Variants in PPP3CA observed in about 807,000 individuals in gnomAD.
PPP3CA encodes the protein CAM-PRP catalytic subunit.
Under a neutral mutation model 66.5 loss-of-function variants are expected in PPP3CA, and 14 were observed. The ratio of observed to expected loss-of-function variants is 0.21; its 90% CI spans 0.14 to 0.33. PPP3CA has a LOEUF of 0.33. Among genes scored for constraint, PPP3CA ranks in the 10% least tolerant of loss-of-function variants. The probability of loss-of-function intolerance (pLI) is 1.00; values close to 1 mark genes in which losing one functional copy is unlikely to be tolerated. For synonymous variants in PPP3CA, 232 were observed against 226.2 expected (o/e 1.03, Z -0.23); for missense variants, 317 against 639.5 (o/e 0.50, Z 5.44).
At chr4:101,232,425 C>CA (rs1233490672) in intron 1 of PPP3CA, among the ~76,000 whole-genome samples, 1 of 150,308 alleles carries the variant, frequency 6.7e-6, no homozygotes, top group Non-Finnish European at 1.5e-5. Context: ...TTATTTTCTT[C>CA]AAAAAAAAAT....
chr4:101,341,208 C>CTTT (rs374057607), intron 1 of PPP3CA, among the ~76,000 whole-genome samples: 7 of 134,876 alleles, frequency 5.2e-5, no homozygotes, highest in South Asian at 2.2e-4. Flanking sequence ...TTTTCTTTTT[C>CTTT]TTTTTTTTTT....
chr4:101,336,726 A>G (rs925819571), intron 1 of PPP3CA, among the ~76,000 whole-genome samples: 17 of 152,264 alleles, frequency 1.1e-4, no homozygotes, highest in African/African-American at 4.1e-4. Flanking sequence ...ATCAAGAATA[A>G]GAAAATATTT....
chr4:101,340,625 T>A (rs1425510452), intron 1 of PPP3CA, among the ~76,000 whole-genome samples: 1 of 152,216 alleles, frequency 6.6e-6, no homozygotes, highest in Non-Finnish European at 1.5e-5. Context: ...AAGATGGAAT[T>A]ATTGTAAAAT....
chr4:101,109,390 C>G (rs1016559478), intron 2 of PPP3CA, among the ~76,000 whole-genome samples: 1 of 149,618 alleles, frequency 6.7e-6, no homozygotes, highest in Non-Finnish European at 1.5e-5. Context: ...TTATGAGACG[C>G]TGCCAGGATG....
chr4:101,313,654 ATTTTCAGAG>A (rs1200664964), intron 1 of PPP3CA, among the ~76,000 whole-genome samples: 4 of 152,102 alleles, frequency 2.6e-5, no homozygotes, highest in Non-Finnish European at 1.5e-5. Context: ...AATCTGAAGC[ATTTTCAGAG>A]TCTAAGGCAA....
At chr4:101,291,482 G>A (rs1728026002) in intron 1 of PPP3CA, among the ~76,000 whole-genome samples, 1 of 152,140 alleles carries the variant, frequency 6.6e-6, no homozygotes, top group Non-Finnish European at 1.5e-5. Context: ...TCAATTAGAG[G>A]AAGGTCCTCC....
intron 2 of PPP3CA, among the ~76,000 whole-genome samples, chr4:101,124,663 CAGAAAGAAAG>C (rs1291448558): frequency 1.4e-4 from 8 of 55,186 alleles, no homozygotes; most frequent in African/African-American, 3.2e-4. Context: ...GAGAGAGAGA[CAGAAAGAAAG>C]AAAGAAAGAA....
Position 101,025,020 on chromosome 4 carries a change from A to G in PPP3CA, c.*845T>C, listed in dbSNP as rs140443342. 6.9e-4 allele frequency: 105 copies of G among 152,452 alleles called. 2 individuals carry two copies. The East Asian group carries it at 0.019, about 28-fold the overall frequency. The allele number at this position is 152,452 out of a possible 1,614,324, so 9.4% of individuals were successfully genotyped here. A position where few individuals can be genotyped will look rare whatever the true frequency, so the allele number is the denominator to read the frequency against. On this transcript the variant is annotated 3_prime_UTR_variant, in exon 14 of 14. Transcript: ENST00000394854. ...GGTGTCTTGTTCACTATACTTAAAA[A>G]TGCACCACTCATAAATATTTAATTC...
intron 1 of PPP3CA, among the ~76,000 whole-genome samples, chr4:101,323,370 C>T (rs1729100689): frequency 1.3e-5 from 2 of 152,180 alleles, no homozygotes; most frequent in Admixed American, 6.5e-5. Context: ...TATTCAGCGA[C>T]TCTTATGGAA....
chr4:101,040,775 C>A (rs1224522452), intron 10 of PPP3CA, among the ~76,000 whole-genome samples: 1 of 151,938 alleles, frequency 6.6e-6, no homozygotes, highest in African/African-American at 2.4e-5. Context: ...CCCCATAGTG[C>A]CAAAGAAAAA....
At chr4:101,272,197 C>CAGT (rs1395996544) in intron 1 of PPP3CA, among the ~76,000 whole-genome samples, 1 of 152,192 alleles carries the variant, frequency 6.6e-6, no homozygotes, top group Non-Finnish European at 1.5e-5. Context: ...CTTAATACTA[C>CAGT]ATACCACTTA....
intron 13 of PPP3CA, among the ~76,000 whole-genome samples, chr4:101,028,250 AATT>A (rs1237599398): frequency 6.6e-6 from 1 of 152,206 alleles, no homozygotes; most frequent in Non-Finnish European, 1.5e-5. Flanking sequence ...GGGAACTTCA[AATT>A]ATTATTTTTG....
At chr4:101,092,813 T>G (rs1730016261) in intron 6 of PPP3CA, among the ~76,000 whole-genome samples, 1 of 152,218 alleles carries the variant, frequency 6.6e-6, no homozygotes, top group South Asian at 2.1e-4. Flanking sequence ...TGCATAGTAT[T>G]CCATGGTGTA....
At chr4:101,089,755 G>A (rs919349699) in intron 6 of PPP3CA, among the ~76,000 whole-genome samples, 1 of 152,088 alleles carries the variant, frequency 6.6e-6, no homozygotes, top group Admixed American at 6.5e-5. Context: ...AACATTATAG[G>A]TATTATTTGA....
chr4:101,051,572 T>A (rs1019359088), intron 10 of PPP3CA, among the ~76,000 whole-genome samples: 5 of 152,164 alleles, frequency 3.3e-5, no homozygotes, highest in African/African-American at 1.2e-4. Context: ...AAAGAATGCC[T>A]CTTTCACATG....
chr4:101,135,216 A>G lies in PPP3CA; in HGVS notation c.260-26138T>C, dbSNP rs182720788. Among the ~76,000 whole-genome samples the G allele has an allele frequency of 3.4e-5, 5 of 148,170 alleles. 1 individual carries two copies. The Admixed American group carries it at 3.4e-4, about 10-fold the overall frequency. ...ACACGTATCACAGAACTTAAAGTAT[A>G]ATAACAATAAAAAAATTTTAATCCT... On this transcript the variant is annotated intron_variant, in intron 2 of 13. Transcript: ENST00000394854.
intron 1 of PPP3CA, among the ~76,000 whole-genome samples, chr4:101,283,006 C>T (rs973929478): frequency 1.4e-4 from 21 of 152,150 alleles, no homozygotes; most frequent in African/African-American, 5.1e-4. Flanking sequence ...TTTATAGGTT[C>T]ACATAATACA....
At chr4:101,336,563 ACTGTCTT>A in intron 1 of PPP3CA, among the ~76,000 whole-genome samples, 1 of 150,372 alleles carries the variant, frequency 6.7e-6, no homozygotes, top group South Asian at 2.1e-4. Context: ...ACAGAGTGAA[ACTGTCTT>A]AAAAAAAAAA....
At position 101,297,849 on chromosome 4, in the gene PPP3CA, G is replaced by C. The variant is rs553931589; in HGVS notation, c.58+48890C>G. Reference sequence around the variant, plus strand: ...CTCTCATGTTGAAATACAACTGTTTGATTGGGTTTTCATGCCTTATAATGT... The same window carrying C: ...CTCTCATGTTGAAATACAACTGTTTCATTGGGTTTTCATGCCTTATAATGT... On this transcript the variant is annotated intron_variant, in intron 1 of 13. Coordinates refer to ENST00000394854, the MANE Select transcript of PPP3CA (RefSeq NM_000944.5). Among the ~76,000 whole-genome samples, 9 of 152,290 alleles carry C rather than the reference G, an allele frequency of 5.9e-5. No homozygotes were observed. The East Asian group carries it at 1.5e-3, about 26-fold the overall frequency.
Sources: gnomAD v4.1 joint callset for allele counts (sites outside exome capture counted in the v4.1 genomes callset) on GRCh38, gnomAD v4.1.1 for gene constraint, MANE v1.5 for transcripts, NCBI Gene and HGNC (gene_info 2026-07-23, HGNC 2026-07-21) for gene names.